Variants in BPTF observed in about 807,000 individuals in gnomAD.
BPTF encodes bromodomain PHD finger transcription factor.
Under a neutral mutation model 292.5 loss-of-function variants are expected in BPTF, and 18 were observed. That is an observed-to-expected ratio of 0.06 (90% CI 0.04 to 0.09). The LOEUF (loss-of-function observed/expected upper bound fraction) is 0.09. Ranked by LOEUF, BPTF falls within the 10% of genes least tolerant of loss-of-function variation. The pLI is 1.00. For synonymous variants in BPTF, 1,225 were observed against 1,251.9 expected, an observed-to-expected ratio of 0.98 and a Z score of 0.45; for missense variants, 2,726 against 3,498.7, an observed-to-expected ratio of 0.78 and a Z score of 5.57.
intron 4 of BPTF, among the ~76,000 whole-genome samples, chr17:67,885,385 C>G (rs1487839301): frequency 6.6e-6 from 1 of 152,048 alleles, no homozygotes; most frequent in Non-Finnish European, 1.5e-5. Context: ...GGAGTTCGAG[C>G]CCAGCCTGGC....
chr17:67,914,971 G>A (rs1598622009), intron 11 of BPTF, among the ~76,000 whole-genome samples: 1 of 151,998 alleles, frequency 6.6e-6, no homozygotes, highest in African/African-American at 2.4e-5. Flanking sequence ...TGGAGGCATG[G>A]GTAAATATGT....
At chr17:67,953,961 C>CTTTTTTT (rs869063412) in intron 23 of BPTF, among the ~76,000 whole-genome samples, 13 of 65,612 alleles carry the variant, frequency 2.0e-4, no homozygotes, top group South Asian at 6.5e-4. Flanking sequence ...CTTTTCTTTT[C>CTTTTTTT]TTTTTTTTTT....
At chr17:67,873,407 A>G (rs1295498012) in intron 3 of BPTF, among the ~76,000 whole-genome samples, 1 of 151,298 alleles carries the variant, frequency 6.6e-6, no homozygotes, top group African/African-American at 2.4e-5. Context: ...GCAGTGAGCC[A>G]GGAGTGCGCC....
In BPTF at chr17:67,825,987, G is replaced by C. The variant is rs1222253613; in HGVS notation, c.263G>C (p.Ser88Thr). Reference protein sequence around the residue: ...PPPPPAPPSTSAPGRGGRGGG... With the variant: ...PPPPPAPPSTTAPGRGGRGGG... The stretch of plus-strand genomic sequence containing the variant: ...CCGCCGCCGGCCCCCCCCAGCACCA[G>C]CGCCCCGGGCCGGGGGGGGCGAGGA... The change falls in exon 1 of 28, where the codon AGC (serine) becomes ACC (threonine). Residue 88 changes from serine to threonine, a missense_variant. Around this residue, in one of 22 missense-constraint regions of BPTF, gnomAD observed 103 missense variants for 72.1 expected, o/e 1.43. Transcript: ENST00000306378. 1 of 1,071,500 alleles carries C rather than the reference G, an allele frequency of 9.3e-7. No homozygotes were observed. Among genetic ancestry groups the C allele is most frequent in the Non-Finnish European group, 1.1e-6 (1 of 880,782 alleles). The allele number at this position is 1,071,500 out of a possible 1,614,324, so 66.4% of individuals were successfully genotyped here. A position where few individuals can be genotyped will look rare whatever the true frequency, so the allele number is the denominator to read the frequency against.
intron 15 of BPTF, among the ~76,000 whole-genome samples, chr17:67,925,778 T>G (rs1050164413): frequency 2.7e-4 from 41 of 152,048 alleles, no homozygotes; most frequent in South Asian, 2.1e-4. Context: ...AAAACATTTT[T>G]TCAAATTCTT....
At chr17:67,929,093 G>T in intron 16 of BPTF, 1 of 1,292,298 alleles carries the variant, frequency 7.7e-7, no homozygotes, top group Admixed American at 3.7e-5. Context: ...CAAGATTGTC[G>T]CTGTAAATGT....
chr17:67,938,809 TG>T (rs1213398049), intron 18 of BPTF, among the ~76,000 whole-genome samples: 1 of 152,140 alleles, frequency 6.6e-6, no homozygotes, highest in Non-Finnish European at 1.5e-5. Context: ...GATGGCAAAG[TG>T]GAAAAAATAG....
intron 7 of BPTF, among the ~76,000 whole-genome samples, chr17:67,901,205 C>G (rs1045154284): frequency 6.6e-6 from 1 of 151,582 alleles, no homozygotes; most frequent in Non-Finnish European, 1.5e-5. Flanking sequence ...GGGAATTTAG[C>G]TGTAGTAGCA....
chr17:67,910,710 G>C (rs1359204959), intron 10 of BPTF, among the ~76,000 whole-genome samples, 167 bp from the exon 11 acceptor site: 1 of 152,022 alleles, frequency 6.6e-6, no homozygotes, highest in Non-Finnish European at 1.5e-5. Context: ...TGAAGCATGA[G>C]AATTGCTTGA....
At chr17:67,893,930 G>A (rs894923689) in intron 6 of BPTF, 104 bp from the exon 7 acceptor site, 73 of 1,407,290 alleles carry the variant, frequency 5.2e-5, no homozygotes, top group African/African-American at 2.4e-4. Flanking sequence ...AGGAGTCATC[G>A]TCTTTATACC....
chr17:67,831,664 G>A (rs1470256910), intron 1 of BPTF, among the ~76,000 whole-genome samples: 1 of 152,108 alleles, frequency 6.6e-6, no homozygotes, highest in Non-Finnish European at 1.5e-5. Flanking sequence ...GGAGACATGG[G>A]GGTGAGAGAC....
At chr17:67,851,241 AAAAAGGTCAACTT>A (rs2058381673) in intron 1 of BPTF, among the ~76,000 whole-genome samples, 1 of 151,446 alleles carries the variant, frequency 6.6e-6, no homozygotes, top group Non-Finnish European at 1.5e-5. Context: ...CAAGGAACAC[AAAAAGGTCAACTT>A]GTTTTTGCGA....
rs2067802451 is a variant in BPTF, at chr17:67,964,386, G to A, written c.8436G>A (p.Arg2812=). 1 of 1,613,592 alleles carries A rather than the reference G, an allele frequency of 6.2e-7. No homozygotes were observed. The highest frequency in any genetic ancestry group is 8.5e-7 in the Non-Finnish European group (1 of 1,179,746). Residue 2812 remains arginine, a synonymous_variant, in exon 25 of 28, where the codon AGG becomes AGA. Coordinates refer to ENST00000306378, the MANE Select transcript of BPTF (RefSeq NM_182641.4). ...AGAAGGATTATGAGGGGTTGAAGAGGGTGCTCCGTTCCTTACAGGTGAGAC... is the reference window on the plus strand; with the variant it reads ...AGAAGGATTATGAGGGGTTGAAGAGAGTGCTCCGTTCCTTACAGGTGAGAC... ...LTEKDYEGLK[R]VLRSLQAHKM...
Position 67,854,864 on chromosome 17 carries a change from T to C in BPTF, c.1436+102T>C. 2.6e-6 allele frequency: 2 copies of C among 772,850 alleles called. No individual in the cohort carries two copies. Among genetic ancestry groups the C allele is most frequent in the Non-Finnish European group, 4.1e-6 (2 of 485,704 alleles). The allele number at this position is 772,850 out of a possible 1,614,324, so 47.9% of individuals were successfully genotyped here. A position where few individuals can be genotyped will look rare whatever the true frequency, so the allele number is the denominator to read the frequency against. The stretch of plus-strand genomic sequence containing the variant: ...TATGCTGTTGATGTGGTATAAACCT[T>C]TGTAACTTAATAGTTATACAGTTAA... On this transcript the variant is annotated intron_variant, in intron 2 of 27. Coordinates refer to ENST00000306378, the MANE Select transcript of BPTF (RefSeq NM_182641.4). The surrounding 1 kb of genome is among the most constrained non-coding windows in gnomAD (Gnocchi z 5.6).
At chr17:67,939,404 TGTAA>T (rs776735755) in intron 18 of BPTF, among the ~76,000 whole-genome samples, 60 of 152,262 alleles carry the variant, frequency 3.9e-4, no homozygotes, top group Non-Finnish European at 7.8e-4. Context: ...GTAATGAGTC[TGTAA>T]GTGTCAAATT....
At chr17:67,827,114 C>T (rs1329095876) in intron 1 of BPTF, among the ~76,000 whole-genome samples, 2 of 152,164 alleles carry the variant, frequency 1.3e-5, no homozygotes, top group African/African-American at 4.8e-5. Flanking sequence ...CAGGAACGCG[C>T]GTCTTAACTC....
chr17:67,909,074 A>C lies in BPTF; in HGVS notation c.2813-508A>C, dbSNP rs112719119. Reference sequence around the variant, plus strand: ...GGTCTCAAACTCCTGACCTCAGGTGATGCACCCACCTCGGCCCCTCAAAGT... The same window carrying C: ...GGTCTCAAACTCCTGACCTCAGGTGCTGCACCCACCTCGGCCCCTCAAAGT... On this transcript the variant is annotated intron_variant, in intron 9 of 27. Transcript: ENST00000306378. 3.9e-3 allele frequency among the ~76,000 whole-genome samples: 585 copies of C among 151,846 alleles called. 6 individuals carry two copies. Among genetic ancestry groups the C allele is most frequent in the African/African-American group, 0.013 (547 of 41,416 alleles).
At chr17:67,958,031 A>G (rs137859641) in intron 23 of BPTF, among the ~76,000 whole-genome samples, 1 of 152,302 alleles carries the variant, frequency 6.6e-6, no homozygotes, top group Non-Finnish European at 1.5e-5. Flanking sequence ...GCAAATGCAT[A>G]TTGAGGAAGT....
chr17:67,880,107 C>G (rs1410462152), intron 4 of BPTF, among the ~76,000 whole-genome samples: 1 of 152,012 alleles, frequency 6.6e-6, no homozygotes, highest in Non-Finnish European at 1.5e-5. Context: ...ATAATAACAT[C>G]GTATCTTTTT....
Sources: gnomAD v4.1 joint callset for allele counts (sites outside exome capture counted in the v4.1 genomes callset) on GRCh38, gnomAD v4.1.1 for gene constraint, gnomAD v4.1.1 regional missense constraint, Gnocchi (gnomAD v3.1) non-coding constraint, MANE v1.5 for transcripts, NCBI Gene and HGNC (gene_info 2026-07-23, HGNC 2026-07-21) for gene names.